Variants in CCAR1 observed in about 807,000 individuals in gnomAD.
The protein encoded by CCAR1 is cell division cycle and apoptosis regulator 1, also known as cell division cycle and apoptosis regulator protein 1.
Under a neutral mutation model 163.8 loss-of-function variants are expected in CCAR1, and 78 were observed. The observed-to-expected ratio is 0.48, with a 90% CI of 0.40 to 0.57. CCAR1 has a LOEUF of 0.57. Among genes scored for constraint, CCAR1 ranks in the 20% least tolerant of loss-of-function variants. The pLI, the probability that CCAR1 is intolerant of heterozygous loss-of-function variation, is 0.00. For synonymous variants in CCAR1, 443 were observed against 460.7 expected (o/e 0.96, Z 0.49); for missense variants, 1,019 against 1,365.2 (o/e 0.75, Z 4.00).
In CCAR1 at chr10:68,753,837, A is replaced by G. The variant is rs762472911; in HGVS notation, c.1119-15A>G. 4.5e-6 allele frequency: 7 copies of G among 1,557,646 alleles called. No individual in the cohort carries two copies. The highest frequency in any genetic ancestry group is 2.7e-5 in the African/African-American group (2 of 73,564). On this transcript the variant is annotated splice_polypyrimidine_tract_variant and intron_variant, in intron 10 of 24. Transcript: ENST00000265872. ...TATTAAGGCTATTTATTCACTACTT[A>G]TGTCTGTTTTTCAGTCCCAGTTGTG...
At chr10:68,755,260 G>A (rs1284791252) in intron 12 of CCAR1, 110 bp from the exon 13 acceptor site, 1 of 949,238 alleles carries the variant, frequency 1.1e-6, no homozygotes, top group Non-Finnish European at 1.7e-6. Flanking sequence ...ACAGATACCA[G>A]AGGTAGTAAA....
chr10:68,768,742 G>A (rs1175901560), intron 17 of CCAR1, among the ~76,000 whole-genome samples: 1 of 152,034 alleles, frequency 6.6e-6, no homozygotes, highest in Non-Finnish European at 1.5e-5. Context: ...GGCTGAGGTG[G>A]GAGGATTGTG....
At chr10:68,762,836 A>G (rs1275575921) in intron 16 of CCAR1, among the ~76,000 whole-genome samples, 1 of 152,158 alleles carries the variant, frequency 6.6e-6, no homozygotes, top group Non-Finnish European at 1.5e-5. Context: ...ATAATGAAAG[A>G]TAAAAGAAAG....
rs190033423 is a variant in CCAR1 at position 68,776,449 on chromosome 10, C to T, written c.2650+3350C>T. On this transcript the variant is annotated intron_variant, in intron 19 of 24. Transcript: ENST00000265872. ...GGCGTGGTGGCGGATGCCTGTAATC[C>T]CAGCTACTTGGGAGGCTGAGGCAGG... Among the ~76,000 whole-genome samples, 7 of 152,056 alleles carry T rather than the reference C, an allele frequency of 4.6e-5. No homozygotes were observed. In the East Asian group the frequency reaches 1.2e-3, roughly 25 times the overall value.
Position 68,745,834 on chromosome 10 carries a change from A to C in CCAR1, c.519-1327A>C, listed in dbSNP as rs374676637. Among the ~76,000 whole-genome samples, 287 of 152,174 alleles carry C rather than the reference A, an allele frequency of 1.9e-3. 1 individual carries two copies. The highest frequency in any genetic ancestry group is 0.01 in the Middle Eastern group (3 of 294). ...ACTAATTTTTAAATTTTTTGTAGAA[A>C]TGTGATCTCACAATGTTGCCCAAGC... On this transcript the variant is annotated intron_variant, in intron 6 of 24. Transcript: ENST00000265872.
At chr10:68,765,335 C>T (rs1012436763) in intron 16 of CCAR1, among the ~76,000 whole-genome samples, 2 of 152,200 alleles carry the variant, frequency 1.3e-5, no homozygotes, top group Non-Finnish European at 2.9e-5. Context: ...CTGCACTTTC[C>T]AGTAAATACC....
chr10:68,760,306 C>A (rs1337804626), intron 15 of CCAR1, among the ~76,000 whole-genome samples: 2 of 152,136 alleles, frequency 1.3e-5, no homozygotes, highest in Non-Finnish European at 2.9e-5. Context: ...CACCACCACA[C>A]CTGGCTAATT....
intron 21 of CCAR1, 34 bp downstream of exon 21, chr10:68,786,726 A>C: frequency 6.5e-7 from 1 of 1,543,992 alleles, no homozygotes; most frequent in Non-Finnish European, 8.7e-7. Context: ...AAAGGAAAAC[A>C]TTTTTTAAAA....
chr10:68,749,029 A>G (rs2056296758), intron 8 of CCAR1, 107 bp from the exon 9 acceptor site: 2 of 1,363,696 alleles, frequency 1.5e-6, no homozygotes, highest in Non-Finnish European at 1.0e-6. Flanking sequence ...TGAAAAAACA[A>G]TTTTAGTCAC....
In CCAR1 at chr10:68,771,316, T is replaced by A. The variant is rs3205757; in HGVS notation, c.2409T>A (p.Asp803Glu). 9 of 1,601,702 alleles carry A rather than the reference T, an allele frequency of 5.6e-6. No homozygotes were observed. In the Admixed American group the frequency reaches 1.4e-4, roughly 24 times the overall value. Residue 803 changes from aspartate (D) to glutamate (E), a missense_variant, in exon 18 of 25, where the codon GAT (aspartate) becomes GAA (glutamate). By Grantham distance (45) the Asp-to-Glu change is conservative (BLOSUM62 2). Coordinates refer to ENST00000265872, the MANE Select transcript of CCAR1 (RefSeq NM_018237.4). ...LPEKEDKKEK[D>E]KKSKKDERKD... The stretch of plus-strand genomic sequence containing the variant: ...AGAAAGAGGACAAAAAAGAAAAGGA[T>A]AAAAAAAGCAAAAAAGATGAGAGAA...
chr10:68,728,299 G>T (rs1161567281), intron 2 of CCAR1, among the ~76,000 whole-genome samples: 2 of 146,198 alleles, frequency 1.4e-5, no homozygotes, highest in African/African-American at 2.5e-5. Flanking sequence ...TTCATTTTTT[G>T]ATTTTTTTTT....
chr10:68,737,073 T>C (rs1047452365), intron 3 of CCAR1, 25 bp downstream of exon 3: 1 of 1,565,774 alleles, frequency 6.4e-7, no homozygotes, highest in African/African-American at 1.4e-5. Context: ...TGTCTTATTA[T>C]TTGATGTAGA....
At chr10:68,757,905 T>A (rs894066510) in intron 15 of CCAR1, among the ~76,000 whole-genome samples, 2 of 152,114 alleles carry the variant, frequency 1.3e-5, no homozygotes, top group Non-Finnish European at 2.9e-5. Context: ...CACGCCCGGC[T>A]AATTGTTTTG....
chr10:68,781,141 G>A (rs2056730461), intron 19 of CCAR1, among the ~76,000 whole-genome samples: 2 of 149,804 alleles, frequency 1.3e-5, no homozygotes, highest in Non-Finnish European at 3.0e-5. Context: ...CTGGGGGCAT[G>A]AGAATTGTTT....
chr10:68,759,767 C>T (rs1370965299), intron 15 of CCAR1, among the ~76,000 whole-genome samples: 4 of 151,914 alleles, frequency 2.6e-5, no homozygotes, highest in African/African-American at 9.7e-5. Context: ...AATGACTCAT[C>T]CTGTTGCGTT....
At chr10:68,788,110 A>G (rs1564555426) in intron 22 of CCAR1, 33 bp from the exon 23 acceptor site, 1 of 1,524,854 alleles carries the variant, frequency 6.6e-7, no homozygotes, top group South Asian at 1.3e-5. Flanking sequence ...AAGAAAAATA[A>G]CTTACTAAAA....
At chr10:68,770,950 C>T (rs546194107) in intron 17 of CCAR1, among the ~76,000 whole-genome samples, 4 of 151,828 alleles carry the variant, frequency 2.6e-5, no homozygotes, top group East Asian at 1.9e-4. Flanking sequence ...TGGTGGCGGG[C>T]GCCTGTAGTC....
chr10:68,781,404 G>T (rs535919554), intron 19 of CCAR1, among the ~76,000 whole-genome samples: 1 of 151,856 alleles, frequency 6.6e-6, no homozygotes, highest in African/African-American at 2.4e-5. Context: ...TTAGCCGGGC[G>T]TGGTGGCGGG....
chr10:68,728,155 A>G (rs941191818), intron 2 of CCAR1, among the ~76,000 whole-genome samples: 3 of 152,180 alleles, frequency 2.0e-5, no homozygotes, highest in African/African-American at 7.2e-5. Flanking sequence ...ATTATTGATT[A>G]TAGAGGTACC....
Sources: allele counts gnomAD v4.1 joint callset (sites outside exome capture counted in the v4.1 genomes callset), GRCh38; gene constraint gnomAD v4.1.1; transcripts MANE v1.5; gene names NCBI Gene and HGNC (gene_info 2026-07-23, HGNC 2026-07-21).